Variants in FOXP1 observed in about 807,000 individuals in gnomAD.
FOXP1 encodes forkhead box protein P1.
A neutral mutation model predicts 98.2 loss-of-function variants in FOXP1; 15 were observed. The observed-to-expected ratio is 0.15, with a 90% CI of 0.10 to 0.24. The LOEUF (loss-of-function observed/expected upper bound fraction) is 0.24, where lower values mean the gene tolerates loss of function less well. Ranked by LOEUF, FOXP1 falls within the 10% of genes least tolerant of loss-of-function variation. FOXP1 has a pLI of 1.00. For synonymous variants in FOXP1, 371 were observed against 314.5 expected, an observed-to-expected ratio of 1.18 and a Z score of -1.90; for missense variants, 633 against 848.5, an observed-to-expected ratio of 0.75 and a Z score of 3.15.
chr3:71,236,476 T>A (rs140636703), intron 5 of FOXP1, among the ~76,000 whole-genome samples: 1 of 152,296 alleles, frequency 6.6e-6, no homozygotes, highest in Non-Finnish European at 1.5e-5. Context: ...TACAGAGATA[T>A]CATGTAGATT....
At chr3:71,117,008 T>C (rs1291914720) in intron 6 of FOXP1, among the ~76,000 whole-genome samples, 2 of 152,234 alleles carry the variant, frequency 1.3e-5, no homozygotes, top group African/African-American at 4.8e-5. Flanking sequence ...GATGACTTGA[T>C]AGCCATTTTT....
intron 3 of FOXP1, among the ~76,000 whole-genome samples, chr3:71,375,680 C>T (rs1465320243): frequency 6.6e-6 from 1 of 152,098 alleles, no homozygotes; most frequent in African/African-American, 2.4e-5. Flanking sequence ...TTCTCCAAGT[C>T]AAATACTCCA....
At position 71,310,984 on chromosome 3, in the gene FOXP1, G is replaced by A. The variant is rs1333434741; in HGVS notation, c.-72-11104C>T. Among the ~76,000 whole-genome samples the A allele has an allele frequency of 4.6e-5, 7 of 152,176 alleles. No individual in the cohort carries two copies. In the East Asian group the frequency reaches 5.8e-4, roughly 13 times the overall value. ...AAAAAGTTTAGGCAACAGATAAGTC[G>A]TATTAATTTCAGTTTATGACAAAAA... On this transcript the variant is annotated intron_variant, in intron 4 of 20. Coordinates refer to ENST00000649528, the MANE Select transcript of FOXP1 (RefSeq NM_001349338.3).
At chr3:70,980,215 T>G (rs1490053771) in intron 14 of FOXP1, among the ~76,000 whole-genome samples, 1 of 152,148 alleles carries the variant, frequency 6.6e-6, no homozygotes, top group African/African-American at 2.4e-5. Context: ...TGACCTCTTC[T>G]TCACCTCGGG....
At chr3:71,130,519 G>T (rs371399518) in intron 6 of FOXP1, 3 of 1,598,412 alleles carry the variant, frequency 1.9e-6, no homozygotes, top group East Asian at 4.5e-5. Context: ...AGAGTTTGGC[G>T]AAGGGAGCCC....
At chr3:71,139,706 A>T (rs2059978534) in intron 6 of FOXP1, among the ~76,000 whole-genome samples, 1 of 152,170 alleles carries the variant, frequency 6.6e-6, no homozygotes, top group Non-Finnish European at 1.5e-5. Flanking sequence ...CCAGGGCAGG[A>T]GAGTCCTCAT....
intron 5 of FOXP1, among the ~76,000 whole-genome samples, chr3:71,291,617 T>C (rs555570055): frequency 6.6e-6 from 1 of 152,274 alleles, no homozygotes; most frequent in Non-Finnish European, 1.5e-5. Context: ...ACAGTACTCA[T>C]ATGTTTCAGA....
chr3:71,103,640 T>G lies in FOXP1; in HGVS notation c.282+8896A>C, dbSNP rs72947464. Among the ~76,000 whole-genome samples, 452 of 152,174 alleles carry G rather than the reference T, an allele frequency of 3.0e-3. 1 individual carries two copies. The highest frequency in any genetic ancestry group is 0.01 in the African/African-American group (429 of 41,516). ...ATGCTGTGTGCTAATGAGTTTCAGA[T>G]TGGAGGACCTCACTGTGCATGTGTC... is the stretch of plus-strand genomic sequence containing the variant. On this transcript the variant is annotated intron_variant, in intron 7 of 20. Transcript: ENST00000649528.
intron 5 of FOXP1, among the ~76,000 whole-genome samples, chr3:71,295,673 C>G (rs187967678): frequency 2.0e-5 from 3 of 152,268 alleles, no homozygotes; most frequent in Admixed American, 2.0e-4. Flanking sequence ...ATCTTCAACT[C>G]TCAATGCCAT....
intron 5 of FOXP1, among the ~76,000 whole-genome samples, chr3:71,275,498 C>T (rs1446188811): frequency 6.6e-6 from 1 of 152,200 alleles, no homozygotes; most frequent in Non-Finnish European, 1.5e-5. Context: ...ATTCCCACCT[C>T]ATGCACCCTA....
At chr3:71,537,220 T>C (rs570191467) in intron 2 of FOXP1, among the ~76,000 whole-genome samples, 1 of 152,284 alleles carries the variant, frequency 6.6e-6, no homozygotes, top group African/African-American at 2.4e-5. Context: ...AGACAGATGA[T>C]CAAGGCAGAG....
chr3:71,515,829 C>G (rs2042541371), intron 2 of FOXP1, among the ~76,000 whole-genome samples: 1 of 152,112 alleles, frequency 6.6e-6, no homozygotes, highest in Non-Finnish European at 1.5e-5. Flanking sequence ...AGGAAAGTTG[C>G]TAAAACAAAA....
rs1576609244 is a variant in FOXP1, at chr3:71,254,258, A to G, written c.-12+45562T>C. 2.0e-5 allele frequency among the ~76,000 whole-genome samples: 3 copies of G among 152,174 alleles called. No homozygotes were observed. In the South Asian group the frequency reaches 6.2e-4, roughly 32 times the overall value. ...AACCTGCTTTTGTCTTCCCTGTAAGAATATTGGGAGGAGAAAATTCAGAGT... is the reference window on the plus strand; with the variant it reads ...AACCTGCTTTTGTCTTCCCTGTAAGGATATTGGGAGGAGAAAATTCAGAGT... On this transcript the variant is annotated intron_variant, in intron 5 of 20. Transcript: ENST00000649528.
At chr3:71,418,612 TAACTGTCAGAACC>T (rs1204374862) in intron 3 of FOXP1, among the ~76,000 whole-genome samples, 1 of 152,210 alleles carries the variant, frequency 6.6e-6, no homozygotes, top group Non-Finnish European at 1.5e-5. Context: ...AAGAAATTAG[TAACTGTCAGAACC>T]AACATATTTT....
chr3:71,171,989 C>T (rs1488853930), intron 6 of FOXP1, among the ~76,000 whole-genome samples: 1 of 152,146 alleles, frequency 6.6e-6, no homozygotes, highest in Admixed American at 6.5e-5. Flanking sequence ...AAAAATCTCC[C>T]CCACCTAATA....
rs374448142 is a variant in FOXP1, at chr3:71,152,146, T to C, written c.181-39509A>G. ...GTTCCTGAAGACAGAGATTCTTTGGTTGGGTTTTGAAGAAGCAAAGGGCTG... is the reference window on the plus strand; with the variant it reads ...GTTCCTGAAGACAGAGATTCTTTGGCTGGGTTTTGAAGAAGCAAAGGGCTG... On this transcript the variant is annotated intron_variant, in intron 6 of 20. Transcript: ENST00000649528. Among the ~76,000 whole-genome samples the C allele has an allele frequency of 7.9e-5, 12 of 152,162 alleles. No homozygotes were observed. In the East Asian group the frequency reaches 1.7e-3, roughly 22 times the overall value.
chr3:71,261,521 T>C (rs1366935075), intron 5 of FOXP1, among the ~76,000 whole-genome samples: 1 of 152,222 alleles, frequency 6.6e-6, no homozygotes, highest in South Asian at 2.1e-4. Context: ...TAAGATCTGA[T>C]GTAATGCTGA....
chr3:71,571,188 C>CCCTTAAGGTTTTAGTAA (rs2047314547), intron 2 of FOXP1: 1 of 152,102 alleles, frequency 6.6e-6, no homozygotes, highest in Non-Finnish European at 1.5e-5. Flanking sequence ...TCAGTGTTTT[C>CCCTTAAGGTTTTAGTAA]CCTTAAGGTT....
chr3:71,565,073 T>C (rs1205495541), intron 2 of FOXP1, among the ~76,000 whole-genome samples: 1 of 152,204 alleles, frequency 6.6e-6, no homozygotes, highest in Admixed American at 6.5e-5. Context: ...CACTCCAGCC[T>C]GGGCGACAGA....
Sources: gnomAD v4.1 joint callset for allele counts (sites outside exome capture counted in the v4.1 genomes callset) on GRCh38, gnomAD v4.1.1 for gene constraint, MANE v1.5 for transcripts, NCBI Gene and HGNC (gene_info 2026-07-23, HGNC 2026-07-21) for gene names.